The following TTC6 variants were observed in gnomAD, a reference collection of about 807,000 sequenced individuals.
TTC6 encodes the protein tetratricopeptide repeat protein 6.
A neutral mutation model predicts 210.4 loss-of-function variants in TTC6; 172 were observed. The observed-to-expected ratio is 0.82, with a 90% CI of 0.72 to 0.93. The LOEUF (loss-of-function observed/expected upper bound fraction) is 0.93. Ranked by LOEUF, TTC6 falls within the 40% of genes least tolerant of loss-of-function variation. The pLI, the probability that TTC6 is intolerant of heterozygous loss-of-function variation, is 0.00. For missense variants in TTC6, 2,414 were observed against 2,318.1 expected (o/e 1.04, Z -0.85); for synonymous variants, 804 against 819.6 (o/e 0.98, Z 0.32).
intron 1 of TTC6, among the ~76,000 whole-genome samples, chr14:37,679,496 T>A (rs1375810499): frequency 6.6e-6 from 1 of 152,158 alleles, no homozygotes; most frequent in Non-Finnish European, 1.5e-5. Flanking sequence ...GCATATTCCC[T>A]CTTGCCCTTG....
chr14:37,664,105 T>G (rs1179714791), intron 1 of TTC6, among the ~76,000 whole-genome samples: 1 of 150,556 alleles, frequency 6.6e-6, no homozygotes, highest in Non-Finnish European at 1.5e-5. Context: ...TTAATGCTAT[T>G]CCCATTAAAC....
intron 14 of TTC6, among the ~76,000 whole-genome samples, chr14:37,755,019 C>T (rs1392077518): frequency 6.6e-6 from 1 of 152,216 alleles, no homozygotes; most frequent in African/African-American, 2.4e-5. Context: ...TTTACACTCC[C>T]ACCAACAGTG....
chr14:37,742,166 A>T (rs977205049), intron 10 of TTC6, among the ~76,000 whole-genome samples: 1 of 152,142 alleles, frequency 6.6e-6, no homozygotes, highest in East Asian at 1.9e-4. Context: ...CTGTTTGCCA[A>T]TGGCGTTCCT....
intron 2 of TTC6, among the ~76,000 whole-genome samples, chr14:37,613,929 A>G (rs1014626258): frequency 6.6e-6 from 1 of 151,804 alleles, no homozygotes; most frequent in Admixed American, 6.6e-5. Flanking sequence ...AATTTTCTCA[A>G]TTCTTTTTCT....
At chr14:37,764,506 C>T (rs1228416487) in intron 14 of TTC6, among the ~76,000 whole-genome samples, 1 of 152,074 alleles carries the variant, frequency 6.6e-6, no homozygotes, top group Non-Finnish European at 1.5e-5. Flanking sequence ...TTGACTCTTT[C>T]ATCAATATGT....
At chr14:37,819,039 A>G (rs950233351) in intron 26 of TTC6, among the ~76,000 whole-genome samples, 4 of 152,194 alleles carry the variant, frequency 2.6e-5, no homozygotes, top group African/African-American at 9.6e-5. Flanking sequence ...ATCACTGGGT[A>G]TATACAGGAG....
chr14:37,624,166 C>T (rs2095656251), intron 1 of TTC6, among the ~76,000 whole-genome samples: 1 of 152,158 alleles, frequency 6.6e-6, no homozygotes, highest in South Asian at 2.1e-4. Flanking sequence ...CTGGTGTTGC[C>T]TTTGGCCTAA....
intron 20 of TTC6, among the ~76,000 whole-genome samples, chr14:37,800,013 T>G (rs1166249739): frequency 6.6e-6 from 1 of 152,130 alleles, no homozygotes; most frequent in Non-Finnish European, 1.5e-5. Flanking sequence ...GCATTTTTTA[T>G]TTTTTGCAGC....
At chr14:37,788,927 C>G (rs549567858) in intron 15 of TTC6, among the ~76,000 whole-genome samples, 1 of 152,032 alleles carries the variant, frequency 6.6e-6, no homozygotes, top group African/African-American at 2.4e-5. Flanking sequence ...CTCTAAAGGC[C>G]TCTTTCTCAT....
At chr14:37,724,431 A>G (rs890354305) in intron 6 of TTC6, among the ~76,000 whole-genome samples, 9 of 152,174 alleles carry the variant, frequency 5.9e-5, no homozygotes, top group Admixed American at 3.9e-4. Flanking sequence ...TCTCTAGATC[A>G]TAATTTTTGT....
At chr14:37,688,935 C>A (rs1421168453) in intron 3 of TTC6, among the ~76,000 whole-genome samples, 2 of 152,012 alleles carry the variant, frequency 1.3e-5, no homozygotes, top group Admixed American at 1.3e-4. Flanking sequence ...CACAATGATC[C>A]AGGAAAACAT....
At chr14:37,841,091 A>G (rs2096209083) in intron 29 of TTC6, among the ~76,000 whole-genome samples, 1 of 151,512 alleles carries the variant, frequency 6.6e-6, no homozygotes, top group Non-Finnish European at 1.5e-5. Context: ...CTGGTCTCGA[A>G]CTCCTGACCT....
upstream of TTC6, among the ~76,000 whole-genome samples, chr14:37,617,836 T>C (rs2095645203): frequency 6.6e-6 from 1 of 152,198 alleles, no homozygotes. Flanking sequence ...TGGCCTGAAG[T>C]TTAGGAGGTA....
intron 26 of TTC6, among the ~76,000 whole-genome samples, chr14:37,820,925 T>C (rs2096154472): frequency 6.8e-6 from 1 of 147,576 alleles, no homozygotes; most frequent in South Asian, 2.1e-4. Flanking sequence ...CTTCTCCTCC[T>C]TCTTCTCCTC....
At chr14:37,738,672 GACCAA>G in intron 9 of TTC6, 99 bp from the exon 12 acceptor site, 1 of 1,002,882 alleles carries the variant, frequency 1.0e-6, no homozygotes, top group Non-Finnish European at 1.4e-6. Flanking sequence ...TAAATTAAGT[GACCAA>G]ACCACATTAA....
intron 27 of TTC6, among the ~76,000 whole-genome samples, chr14:37,824,556 G>T (rs1001002594): frequency 7.9e-5 from 12 of 152,110 alleles, no homozygotes; most frequent in African/African-American, 2.9e-4. Context: ...TAGGGATATA[G>T]CAATGAACAA....
chr14:37,750,939 T>A (rs2095950011), intron 12 of TTC6, 114 bp from the exon 15 acceptor site: 1 of 573,206 alleles, frequency 1.7e-6, no homozygotes, highest in Non-Finnish European at 2.8e-6. Context: ...TAAGAAAGTG[T>A]AATAGAGAAA....
intron 1 of TTC6, among the ~76,000 whole-genome samples, chr14:37,646,074 G>A (rs750156743): frequency 1.2e-4 from 18 of 152,152 alleles, no homozygotes; most frequent in Non-Finnish European, 1.9e-4. Flanking sequence ...GGAATATCAG[G>A]AACCATAGTG....
At chr14:37,759,375 T>C (rs905375244) in intron 14 of TTC6, among the ~76,000 whole-genome samples, 1 of 152,214 alleles carries the variant, frequency 6.6e-6, no homozygotes, top group Non-Finnish European at 1.5e-5. Context: ...AAATCCACTG[T>C]TAGTCTGATG....
Sources: gnomAD v4.1 joint callset for allele counts (sites outside exome capture counted in the v4.1 genomes callset) on GRCh38, gnomAD v4.1.1 for gene constraint, MANE v1.5 for transcripts, NCBI Gene and HGNC (gene_info 2026-07-23, HGNC 2026-07-21) for gene names.